GMDS: variants seen among roughly 807,000 people sequenced by gnomAD.
GMDS encodes GDP-mannose 4,6 dehydratase.
A neutral mutation model predicts 49.9 loss-of-function variants in GMDS; 20 were observed. The observed-to-expected ratio is 0.40, with a 90% CI of 0.28 to 0.58. The LOEUF (loss-of-function observed/expected upper bound fraction) is 0.58. Among genes scored for constraint, GMDS ranks in the 20% least tolerant of loss-of-function variants. The pLI is 0.42. For missense variants in GMDS, 362 were observed against 481.4 expected (o/e 0.75, Z 2.32); for synonymous variants, 177 against 178.6 (o/e 0.99, Z 0.07).
chr6:2,167,998 C>G (rs1777754382), intron 1 of GMDS, among the ~76,000 whole-genome samples: 1 of 152,138 alleles, frequency 6.6e-6, no homozygotes, highest in South Asian at 2.1e-4. Flanking sequence ...TATGTCCTAC[C>G]AATTTTAAAA....
At chr6:2,043,602 T>C (rs1769817671) in intron 4 of GMDS, among the ~76,000 whole-genome samples, 1 of 152,200 alleles carries the variant, frequency 6.6e-6, no homozygotes, top group Admixed American at 6.5e-5. Context: ...CTAATTTATC[T>C]GTTTAAGTTT....
intron 9 of GMDS, among the ~76,000 whole-genome samples, chr6:1,672,975 A>T (rs540566311): frequency 1.3e-5 from 2 of 150,512 alleles, no homozygotes; most frequent in Admixed American, 1.3e-4. Flanking sequence ...CGGGCATTTC[A>T]GCGAGGATTG....
chr6:1,898,259 C>A (rs1265976382), intron 7 of GMDS, among the ~76,000 whole-genome samples: 1 of 152,226 alleles, frequency 6.6e-6, no homozygotes, highest in Non-Finnish European at 1.5e-5. Flanking sequence ...TGGCTTCAGG[C>A]CATCATAAAA....
intron 7 of GMDS, among the ~76,000 whole-genome samples, chr6:1,814,773 GC>G (rs1373808983): frequency 6.6e-6 from 1 of 151,960 alleles, no homozygotes; most frequent in Non-Finnish European, 1.5e-5. Flanking sequence ...TTTATATGAA[GC>G]AATCCTGTTT....
intron 7 of GMDS, among the ~76,000 whole-genome samples, chr6:1,795,632 C>G (rs188701192): frequency 2.4e-3 from 368 of 152,206 alleles, no homozygotes; most frequent in Non-Finnish European, 3.9e-3. Context: ...AGGAAATATG[C>G]TTTGAATGCA....
At chr6:2,056,809 T>G (rs1350019662) in intron 4 of GMDS, among the ~76,000 whole-genome samples, 1 of 152,218 alleles carries the variant, frequency 6.6e-6, no homozygotes, top group Admixed American at 6.5e-5. Flanking sequence ...TTACTCTTAC[T>G]ACCATTAATC....
chr6:1,731,046 T>C (rs1329137598), intron 8 of GMDS, among the ~76,000 whole-genome samples: 2 of 152,072 alleles, frequency 1.3e-5, no homozygotes, highest in Non-Finnish European at 2.9e-5. Flanking sequence ...AGGAAAGATA[T>C]CAAACAAACA....
intron 4 of GMDS, among the ~76,000 whole-genome samples, chr6:2,064,555 G>T (rs1771415126): frequency 6.6e-6 from 1 of 152,022 alleles, no homozygotes; most frequent in Non-Finnish European, 1.5e-5. Context: ...CCCCACCTAG[G>T]ATCCCAAAGG....
At chr6:2,026,077 T>C (rs866656248) in intron 4 of GMDS, among the ~76,000 whole-genome samples, 20 of 152,344 alleles carry the variant, frequency 1.3e-4, no homozygotes, top group Middle Eastern at 3.4e-3. Context: ...ATATTTTTAA[T>C]GTAAGAGGTT....
chr6:2,203,180 C>CT (rs1280233406), intron 1 of GMDS, among the ~76,000 whole-genome samples: 2 of 152,148 alleles, frequency 1.3e-5, no homozygotes, highest in South Asian at 2.1e-4. Flanking sequence ...ACTGGAGTTA[C>CT]TTTAGGCCAC....
At chr6:1,698,011 T>C (rs1352154756) in intron 9 of GMDS, among the ~76,000 whole-genome samples, 1 of 152,190 alleles carries the variant, frequency 6.6e-6, no homozygotes, top group Non-Finnish European at 1.5e-5. Flanking sequence ...GTCAAGCATA[T>C]CATTTCATCT....
chr6:1,918,386 G>A (rs1342289472), intron 7 of GMDS, among the ~76,000 whole-genome samples: 1 of 152,112 alleles, frequency 6.6e-6, no homozygotes, highest in Non-Finnish European at 1.5e-5. Flanking sequence ...ATATTATTTT[G>A]TAAAACAGGG....
intron 9 of GMDS, among the ~76,000 whole-genome samples, chr6:1,713,861 A>T (rs1391175105): frequency 6.6e-6 from 1 of 152,188 alleles, no homozygotes; most frequent in African/African-American, 2.4e-5. Context: ...AGGCATACTC[A>T]ATCAGGCCAT....
intron 7 of GMDS, among the ~76,000 whole-genome samples, chr6:1,869,497 G>T (rs530157995): frequency 2.0e-5 from 3 of 152,294 alleles, no homozygotes; most frequent in Non-Finnish European, 2.9e-5. Flanking sequence ...TGTGGCAGGA[G>T]CTGAAGGGCT....
chr6:1,777,762 G>GTATATA (rs1768898883), intron 7 of GMDS, among the ~76,000 whole-genome samples: 2 of 152,224 alleles, frequency 1.3e-5, no homozygotes, highest in Admixed American at 1.3e-4. Context: ...GGGATAGCAA[G>GTATATA]AGGGTATAAA....
chr6:1,974,630 T>G (rs1056166731), intron 4 of GMDS, among the ~76,000 whole-genome samples: 1 of 152,034 alleles, frequency 6.6e-6, no homozygotes, highest in Non-Finnish European at 1.5e-5. Flanking sequence ...CAAACTAAAA[T>G]GTCGACAAAT....
intron 6 of GMDS, among the ~76,000 whole-genome samples, chr6:1,938,839 C>T (rs913985633): frequency 6.6e-6 from 1 of 151,716 alleles, no homozygotes; most frequent in Non-Finnish European, 1.5e-5. Flanking sequence ...CATCTCTTTG[C>T]TCTTATCTGT....
At chr6:1,699,473 G>A (rs556369182) in intron 9 of GMDS, among the ~76,000 whole-genome samples, 24 of 152,050 alleles carry the variant, frequency 1.6e-4, no homozygotes, top group Non-Finnish European at 7.4e-5. Context: ...AACAATACGT[G>A]TCGATCCTCT....
chr6:1,997,520 A>AG (rs1400944534), intron 4 of GMDS, among the ~76,000 whole-genome samples: 2 of 151,476 alleles, frequency 1.3e-5, no homozygotes, highest in African/African-American at 4.9e-5. Flanking sequence ...AAAAAAAAAA[A>AG]AAAAAAAGAT....
Sources: gnomAD v4.1 joint callset for allele counts (sites outside exome capture counted in the v4.1 genomes callset) on GRCh38, gnomAD v4.1.1 for gene constraint, MANE v1.5 for transcripts, NCBI Gene and HGNC (gene_info 2026-07-23, HGNC 2026-07-21) for gene names.